The following MYO1F variants were observed in gnomAD, a reference collection of about 807,000 sequenced individuals.
The protein encoded by MYO1F is unconventional myosin-If.
Under a neutral mutation model 146.6 loss-of-function variants are expected in MYO1F, and 60 were observed. That is an observed-to-expected ratio of 0.41 (90% CI 0.33 to 0.51). The LOEUF is 0.51. Ranked by LOEUF, MYO1F falls within the 20% of genes least tolerant of loss-of-function variation. The pLI, the probability that MYO1F is intolerant of heterozygous loss-of-function variation, is 0.25. For missense variants in MYO1F, 1,274 were observed against 1,534.3 expected, an observed-to-expected ratio of 0.83 and a Z score of 2.83; for synonymous variants, 602 against 602.1, an observed-to-expected ratio of 1.00 and a Z score of 0.00.
At chr19:8,527,552 A>AGGCAGAGGGGTGGTGCT (rs1363954738) in intron 21 of MYO1F, 69 bp from the exon 22 acceptor site, 1 of 1,582,528 alleles carries the variant, frequency 6.3e-7, no homozygotes, top group Non-Finnish European at 8.6e-7. Flanking sequence ...GATCCACCCC[A>AGGCAGAGGGGTGGTGCT]GGCAGAGGGG....
intron 4 of MYO1F, among the ~76,000 whole-genome samples, chr19:8,553,894 A>ACACACACT: frequency 9.5e-4 from 98 of 102,662 alleles, no homozygotes; most frequent in African/African-American, 3.8e-3. Flanking sequence ...ACACACACAC[A>ACACACACT]CTCTCTCTCT....
intron 25 of MYO1F, among the ~76,000 whole-genome samples, chr19:8,523,244 A>G (rs1972135135): frequency 6.6e-6 from 1 of 152,136 alleles, no homozygotes; most frequent in South Asian, 2.1e-4. Context: ...CATGTTAGCC[A>G]GGATGGTCTC....
rs775262419 is a variant in MYO1F at position 8,551,723 on chromosome 19, T to G, written c.771+17A>C. On this transcript the variant is annotated intron_variant, in intron 8 of 27. Coordinates refer to ENST00000644032, the MANE Select transcript of MYO1F (RefSeq NM_012335.4). Reference sequence around the variant, plus strand: ...AGGTCTGCCTGGCCGGGGACTGGAGTAGAGGCCGGTGCTCACCAGAGTCTC... The same window carrying G: ...AGGTCTGCCTGGCCGGGGACTGGAGGAGAGGCCGGTGCTCACCAGAGTCTC... 3 of 1,613,706 alleles carry G rather than the reference T, an allele frequency of 1.9e-6. No individual in the cohort carries two copies. The highest frequency in any genetic ancestry group is 2.7e-5 in the African/African-American group (2 of 74,792).
At chr19:8,548,372 C>CGA in intron 10 of MYO1F, 55 bp from the exon 11 acceptor site, 2 of 1,527,204 alleles carry the variant, frequency 1.3e-6, no homozygotes, top group Non-Finnish European at 1.8e-6. Flanking sequence ...TCTGAAGCCC[C>CGA]TGCCCACCAC....
chr19:8,530,314 C>T lies in MYO1F; in HGVS notation c.2210G>A (p.Arg737Gln), dbSNP rs762039742. Residue 737 changes from arginine to glutamine, a missense_variant, in exon 21 of 28, where the codon CGG becomes CAG. Around this residue, in one of 2 missense-constraint regions of MYO1F, gnomAD observed 900 missense variants for 1,155.1 expected, o/e 0.78. Transcript: ENST00000644032. This position sits in a 1 kb window ranked among gnomAD's most constrained non-coding sequence, Gnocchi z 5.8. ...CCCCAGGTAGTCCCCGACGAAGTTC[C>T]GATTGATGCTGTTGCGCCTCCGCTC... ...KKERRRNSIN[R>Q]NFVGDYLGLE... 1.2e-5 allele frequency: 20 copies of T among 1,614,148 alleles called. No homozygotes were observed. Among genetic ancestry groups the T allele is most frequent in the African/African-American group, 4.0e-5 (3 of 75,038 alleles).
intron 1 of MYO1F, among the ~76,000 whole-genome samples, chr19:8,569,338 G>A (rs946286724): frequency 6.6e-6 from 1 of 152,068 alleles, no homozygotes; most frequent in Non-Finnish European, 1.5e-5. Context: ...GGGGCTTGAG[G>A]TGGGTGGGGT....
intron 1 of MYO1F, 30 bp from the exon 2 acceptor site, chr19:8,555,826 C>A: frequency 1.9e-6 from 3 of 1,598,454 alleles, no homozygotes; most frequent in Non-Finnish European, 2.6e-6. Context: ...TCGGGGTGAG[C>A]CCTTGCACGG....
chr19:8,572,736 C>G (rs1452541449), intron 1 of MYO1F, among the ~76,000 whole-genome samples: 2 of 152,160 alleles, frequency 1.3e-5, no homozygotes, highest in African/African-American at 4.8e-5. Context: ...GTCTCTGTTG[C>G]TCAGGCTGGA....
At chr19:8,525,345 T>C in intron 25 of MYO1F, 134 bp downstream of exon 25, 1 of 774,056 alleles carries the variant, frequency 1.3e-6, no homozygotes, top group Non-Finnish European at 2.1e-6. Context: ...GCGGGAGATG[T>C]GGAGCTACGG....
chr19:8,527,600 C>G (rs997590162), intron 21 of MYO1F, 117 bp from the exon 22 acceptor site: 4 of 1,298,984 alleles, frequency 3.1e-6, no homozygotes, highest in South Asian at 2.6e-5. Context: ...TGGGAGCCCT[C>G]CAGGTGAAGG....
chr19:8,547,026 A>G (rs1324339599), intron 12 of MYO1F, among the ~76,000 whole-genome samples: 9 of 152,080 alleles, frequency 5.9e-5, no homozygotes, highest in African/African-American at 1.7e-4. Flanking sequence ...GACTGGGCAT[A>G]TTAACTCATG....
At position 8,530,702 on chromosome 19, in the gene MYO1F, T is replaced by C; in HGVS notation, c.2044-129A>G. Reference sequence around the variant, plus strand: ...CCATCCCCACACATGTGCTAATTTTTTTAAGAGGCGGGGTCTTTCTAGTGA... The same window carrying C: ...CCATCCCCACACATGTGCTAATTTTCTTAAGAGGCGGGGTCTTTCTAGTGA... On this transcript the variant is annotated intron_variant, in intron 19 of 27. Coordinates refer to ENST00000644032, the MANE Select transcript of MYO1F (RefSeq NM_012335.4). The surrounding 1 kb of genome is among the most constrained non-coding windows in gnomAD (Gnocchi z 5.8). 1 of 743,026 alleles carries C rather than the reference T, an allele frequency of 1.3e-6. No homozygotes were observed. Among genetic ancestry groups the C allele is most frequent in the Non-Finnish European group, 2.3e-6 (1 of 430,458 alleles). 46.0% of individuals were successfully genotyped at this position (743,026 alleles called of 1,614,324 possible). A position where few individuals can be genotyped will look rare whatever the true frequency, so the allele number is the denominator to read the frequency against.
At position 8,527,577 on chromosome 19, in the gene MYO1F, C is replaced by G; in HGVS notation, c.2329-94G>C. The G allele has an allele frequency of 2.0e-6, 3 of 1,527,510 alleles. No individual in the cohort carries two copies. The South Asian group carries it at 3.5e-5, about 18-fold the overall frequency. The allele number at this position is 1,527,510 out of a possible 1,614,324, so 94.6% of individuals were successfully genotyped here. On this transcript the variant is annotated intron_variant, in intron 21 of 27. Coordinates refer to ENST00000644032, the MANE Select transcript of MYO1F (RefSeq NM_012335.4). ...AGGCAGAGGGGTGGTGCTGGCAGGT[C>G]AGGTGAGGAAGGTGGGAGCCCTCCA...
At chr19:8,568,363 C>T (rs1032986808) in intron 1 of MYO1F, among the ~76,000 whole-genome samples, 3 of 132,588 alleles carry the variant, frequency 2.3e-5, no homozygotes, top group Non-Finnish European at 3.0e-5. Flanking sequence ...GCGGAGCTTG[C>T]AGTGAGCTGA....
intron 27 of MYO1F, among the ~76,000 whole-genome samples, 200 bp downstream of exon 27, chr19:8,522,177 C>T (rs1311584014): frequency 6.6e-6 from 1 of 152,154 alleles, no homozygotes; most frequent in Non-Finnish European, 1.5e-5. Flanking sequence ...CGCCCGCCAC[C>T]ACGCCCGGCT....
intron 16 of MYO1F, among the ~76,000 whole-genome samples, chr19:8,539,189 C>T (rs749094813): frequency 6.6e-5 from 10 of 151,566 alleles, no homozygotes; most frequent in East Asian, 1.9e-4. Flanking sequence ...CTGAGGCAGG[C>T]GGATCACCTG....
chr19:8,539,190 G>A (rs570720598), intron 16 of MYO1F, among the ~76,000 whole-genome samples: 1 of 152,116 alleles, frequency 6.6e-6, no homozygotes, highest in African/African-American at 2.4e-5. Context: ...TGAGGCAGGC[G>A]GATCACCTGA....
At chr19:8,523,717 A>C (rs1223299749) in intron 25 of MYO1F, among the ~76,000 whole-genome samples, 5 of 152,024 alleles carry the variant, frequency 3.3e-5, no homozygotes, top group African/African-American at 4.8e-5. Flanking sequence ...TGCAGCAGTG[A>C]GATCATAGCT....
chr19:8,531,884 G>A (rs1972501892), intron 19 of MYO1F, among the ~76,000 whole-genome samples: 1 of 152,130 alleles, frequency 6.6e-6, no homozygotes, highest in Admixed American at 6.6e-5. Flanking sequence ...TTGGGAGGCC[G>A]AGGTGGGCGG....
Sources: allele counts gnomAD v4.1 joint callset (sites outside exome capture counted in the v4.1 genomes callset), GRCh38; gene constraint gnomAD v4.1.1; regional missense constraint gnomAD v4.1.1; non-coding constraint Gnocchi (gnomAD v3.1); transcripts MANE v1.5; gene names NCBI Gene and HGNC (gene_info 2026-07-23, HGNC 2026-07-21).